FAR2: variants seen among roughly 807,000 people sequenced by gnomAD.
The protein encoded by FAR2 is fatty acyl-CoA reductase 2.
FAR2 carries 19 observed loss-of-function variants against 56.0 expected under a neutral mutation model. The ratio of observed to expected loss-of-function variants is 0.34; its 90% confidence interval spans 0.24 to 0.50. The LOEUF (loss-of-function observed/expected upper bound fraction) is 0.50. Ranked by LOEUF, FAR2 falls within the 20% of genes least tolerant of loss-of-function variation. The probability of loss-of-function intolerance (pLI) is 0.98; values close to 1 mark genes in which losing one functional copy is unlikely to be tolerated. For missense variants in FAR2, 508 were observed against 642.2 expected (o/e 0.79, Z 2.26); for synonymous variants, 219 against 218.8 (o/e 1.00, Z -0.01).
intron 1 of FAR2, among the ~76,000 whole-genome samples, chr12:29,200,577 T>C (rs139914865): frequency 9.9e-5 from 15 of 152,274 alleles, no homozygotes; most frequent in African/African-American, 3.6e-4. Flanking sequence ...ATATTAGAGA[T>C]AGTTATAGAA....
At chr12:29,269,774 C>T (rs1269353432) in intron 1 of FAR2, among the ~76,000 whole-genome samples, 2 of 152,200 alleles carry the variant, frequency 1.3e-5, no homozygotes, top group Non-Finnish European at 2.9e-5. Context: ...ATTATTTATT[C>T]CAGTATTTTC....
rs376483831 is a variant in FAR2, at chr12:29,270,539, G to A, written c.90G>A (p.Leu30=). 5.6e-5 allele frequency: 90 copies of A among 1,613,930 alleles called. No homozygotes were observed. Among genetic ancestry groups the A allele is most frequent in the Non-Finnish European group, 7.3e-5 (86 of 1,179,950 alleles). The change falls in exon 2 of 12, where the codon CTG becomes CTA. Residue 30 remains leucine (L), a synonymous_variant. Coordinates refer to ENST00000536681, the MANE Select transcript of FAR2 (RefSeq NM_001271783.2). ...GFLGKVLMEK[L]FRTSPDLKVI... ...TGGGCAAAGTGCTGATGGAGAAGCTGTTTCGCACCAGCCCAGACCTGAAAG... is the reference window on the plus strand; with the variant it reads ...TGGGCAAAGTGCTGATGGAGAAGCTATTTCGCACCAGCCCAGACCTGAAAG...
chr12:29,154,151 G>A (rs1224344997), intron 1 of FAR2, among the ~76,000 whole-genome samples: 2 of 152,154 alleles, frequency 1.3e-5, no homozygotes, highest in East Asian at 1.9e-4. Context: ...ATGGAATATG[G>A]TGTAATTTCC....
In FAR2 at chr12:29,157,142, A is replaced by ATATATATG. The variant is rs1289279461; in HGVS notation, c.-39+7738_-39+7739insATATGTAT. On this transcript the variant is annotated intron_variant, in intron 1 of 11. Transcript: ENST00000536681. ...TATATATATATATATATATATATAT[A>ATATATATG]TATGTATCAATGTGATTAAACAATG... Among the ~76,000 whole-genome samples the ATATATATG allele has an allele frequency of 7.3e-4, 101 of 137,770 alleles. 2 individuals carry two copies. The highest frequency in any genetic ancestry group is 2.7e-3 in the African/African-American group (99 of 36,918). 90.4% of individuals were successfully genotyped at this position (137,770 alleles called of 152,430 possible).
intron 1 of FAR2, among the ~76,000 whole-genome samples, chr12:29,260,448 T>A (rs571609985): frequency 1.3e-5 from 2 of 152,334 alleles, no homozygotes; most frequent in East Asian, 3.9e-4. Flanking sequence ...TGTTTTGTTT[T>A]CCTGTCAAAG....
intron 1 of FAR2, among the ~76,000 whole-genome samples, chr12:29,234,531 C>T (rs1368852734): frequency 1.3e-5 from 2 of 152,184 alleles, no homozygotes; most frequent in Non-Finnish European, 2.9e-5. Context: ...TACACATAGT[C>T]TGTTATCCAG....
At chr12:29,224,240 T>C (rs1414892181) in intron 1 of FAR2, among the ~76,000 whole-genome samples, 2 of 152,156 alleles carry the variant, frequency 1.3e-5, no homozygotes, top group African/African-American at 4.8e-5. Context: ...AATGCTGAAC[T>C]TTTTGGGGTT....
intron 2 of FAR2, among the ~76,000 whole-genome samples, chr12:29,273,526 C>T (rs1230838924): frequency 6.6e-6 from 1 of 152,216 alleles, no homozygotes; most frequent in Admixed American, 6.5e-5. Context: ...AGGGGAAAAG[C>T]ACAGCCTGGA....
At chr12:29,202,038 G>A (rs145799752) in intron 1 of FAR2, among the ~76,000 whole-genome samples, 1 of 151,990 alleles carries the variant, frequency 6.6e-6, no homozygotes, top group Admixed American at 6.6e-5. Flanking sequence ...ATTTTTTTGT[G>A]TATTTGATAT....
chr12:29,208,652 G>GAA (rs71042967), intron 1 of FAR2, among the ~76,000 whole-genome samples: 1 of 148,450 alleles, frequency 6.7e-6, no homozygotes, highest in Non-Finnish European at 1.5e-5. Context: ...GTGCCAGAGA[G>GAA]AAAAAAAAAA....
chr12:29,319,299 C>G (rs547830837), intron 9 of FAR2, among the ~76,000 whole-genome samples: 1 of 152,192 alleles, frequency 6.6e-6, no homozygotes, highest in South Asian at 2.1e-4. Flanking sequence ...CCAAGGGGTA[C>G]AAAACAGTAT....
intron 10 of FAR2, among the ~76,000 whole-genome samples, chr12:29,327,453 C>G (rs904817395): frequency 2.6e-5 from 4 of 152,160 alleles, no homozygotes; most frequent in African/African-American, 9.7e-5. Context: ...CAAGTCAATC[C>G]TAAACCAAAA....
intron 1 of FAR2, chr12:29,151,271 G>C (rs1052805614): frequency 1.3e-5 from 2 of 152,116 alleles, no homozygotes; most frequent in African/African-American, 4.8e-5. Flanking sequence ...TGACATTGTA[G>C]GCTCTGTTGG....
intron 1 of FAR2, among the ~76,000 whole-genome samples, chr12:29,253,201 A>G (rs1276686419): frequency 6.7e-6 from 1 of 150,252 alleles, no homozygotes; most frequent in African/African-American, 2.5e-5. Context: ...CTATCTATCT[A>G]GATAGGTATC....
At chr12:29,223,037 TGC>T (rs1947713585) in intron 1 of FAR2, among the ~76,000 whole-genome samples, 1 of 152,208 alleles carries the variant, frequency 6.6e-6, no homozygotes, top group African/African-American at 2.4e-5. Context: ...GCTTAGTATT[TGC>T]CAGGTACTGT....
chr12:29,181,315 TTAC>T (rs1204222771), intron 1 of FAR2, among the ~76,000 whole-genome samples: 1 of 152,176 alleles, frequency 6.6e-6, no homozygotes, highest in Non-Finnish European at 1.5e-5. Context: ...TAATATTATA[TTAC>T]TACTACTTCA....
chr12:29,210,032 C>A (rs1370954835), intron 1 of FAR2, among the ~76,000 whole-genome samples: 1 of 151,924 alleles, frequency 6.6e-6, no homozygotes, highest in African/African-American at 2.4e-5. Context: ...TATAAGGAGA[C>A]CTCTGTCTCT....
chr12:29,293,503 T>C, intron 3 of FAR2, 28 bp downstream of exon 3: 1 of 1,396,842 alleles, frequency 7.2e-7, no homozygotes, highest in Admixed American at 2.8e-5. Flanking sequence ...TCTCATGGCT[T>C]GTATACATAT....
At chr12:29,309,039 G>A in intron 5 of FAR2, 147 bp from the exon 6 acceptor site, 1 of 668,612 alleles carries the variant, frequency 1.5e-6, no homozygotes, top group Non-Finnish European at 2.6e-6. Flanking sequence ...ATTATCTTTT[G>A]AGATCTTAAT....
Sources: allele counts gnomAD v4.1 joint callset (sites outside exome capture counted in the v4.1 genomes callset), GRCh38; gene constraint gnomAD v4.1.1; transcripts MANE v1.5; gene names NCBI Gene and HGNC (gene_info 2026-07-23, HGNC 2026-07-21).